Variants in NTRK2 observed in about 807,000 individuals in gnomAD.
NTRK2 encodes the protein neurotrophic receptor tyrosine kinase 2.
Under a neutral mutation model 94.5 loss-of-function variants are expected in NTRK2, and 13 were observed. That is an observed-to-expected ratio of 0.14 (90% CI 0.09 to 0.22). The LOEUF (loss-of-function observed/expected upper bound fraction) is 0.22, where lower values mean the gene tolerates loss of function less well. NTRK2 is among the 10% of genes least tolerant of loss of function. NTRK2 has a pLI of 1.00. For missense variants in NTRK2, 639 were observed against 1,071.2 expected (o/e 0.60, Z 5.63); for synonymous variants, 372 against 407.4 (o/e 0.91, Z 1.05).
chr9:84,765,729 G>A (rs570217779), intron 12 of NTRK2, among the ~76,000 whole-genome samples: 189 of 152,210 alleles, frequency 1.2e-3, no homozygotes, highest in Non-Finnish European at 2.4e-3. Flanking sequence ...TCTCAAAGCT[G>A]GGGACACTTA....
rs553775421 is a variant in NTRK2, at chr9:84,959,042, G to A, written c.2172+3525G>A. Among the ~76,000 whole-genome samples the A allele has an allele frequency of 1.1e-4, 17 of 152,176 alleles. 1 individual carries two copies. Among genetic ancestry groups the A allele is most frequent in the East Asian group, 9.7e-4 (5 of 5,176 alleles). ...TTAACCTTGAACCCATCCCCTTCAC[G>A]GTGTCTCTTCAACTTCTCTATCACC... On this transcript the variant is annotated intron_variant, in intron 17 of 18. Transcript: ENST00000277120.
intron 12 of NTRK2, among the ~76,000 whole-genome samples, chr9:84,772,000 G>C (rs2066595617): frequency 6.6e-6 from 1 of 152,150 alleles, no homozygotes; most frequent in Non-Finnish European, 1.5e-5. Flanking sequence ...AGGGGCTGAG[G>C]TTTTACTCCA....
At chr9:84,729,521 T>C (rs1436351553) in intron 9 of NTRK2, among the ~76,000 whole-genome samples, 1 of 152,226 alleles carries the variant, frequency 6.6e-6, no homozygotes, top group Non-Finnish European at 1.5e-5. Context: ...GCTTTTTGCT[T>C]GTTCTTACAT....
chr9:84,726,354 G>A lies in NTRK2; in HGVS notation c.854-1300G>A, dbSNP rs916284736. ...ATACTAATATTAGCCGGTCACGATGGCAGGCGCCTGTAATCCAAGCTACTC... is the reference window on the plus strand; with the variant it reads ...ATACTAATATTAGCCGGTCACGATGACAGGCGCCTGTAATCCAAGCTACTC... On this transcript the variant is annotated intron_variant, in intron 8 of 18. Transcript: ENST00000277120. Among the ~76,000 whole-genome samples the A allele has an allele frequency of 4.6e-5, 7 of 152,292 alleles. No individual in the cohort carries two copies. In the South Asian group the frequency reaches 6.2e-4, roughly 14 times the overall value.
At chr9:84,961,034 TAGGAATATAGGACCATCCCTATCTC>T (rs1480878734) in intron 17 of NTRK2, among the ~76,000 whole-genome samples, 1 of 152,168 alleles carries the variant, frequency 6.6e-6, no homozygotes, top group African/African-American at 2.4e-5. Flanking sequence ...GAAGTAAAGC[TAGGAATATAGGACCATCCCTATCTC>T]AGACAACATT....
intron 14 of NTRK2, among the ~76,000 whole-genome samples, chr9:84,904,959 A>C (rs1466239972): frequency 6.6e-6 from 1 of 152,348 alleles, no homozygotes; most frequent in East Asian, 1.9e-4. Flanking sequence ...AAGATCATTA[A>C]AGATTTTTTT....
At chr9:84,843,380 G>T (rs936519538) in intron 12 of NTRK2, among the ~76,000 whole-genome samples, 2 of 152,176 alleles carry the variant, frequency 1.3e-5, no homozygotes, top group Non-Finnish European at 2.9e-5. Flanking sequence ...CCCCTGAGCT[G>T]CAGGCCTTTC....
intron 12 of NTRK2, among the ~76,000 whole-genome samples, chr9:84,854,056 A>AGT (rs1340476780): frequency 6.7e-6 from 1 of 150,062 alleles, no homozygotes; most frequent in Non-Finnish European, 1.5e-5. Context: ...TGGGCAACAG[A>AGT]GTGAGACTCT....
chr9:84,938,116 A>C (rs549115367), intron 15 of NTRK2, among the ~76,000 whole-genome samples: 1 of 152,334 alleles, frequency 6.6e-6, no homozygotes, highest in Non-Finnish European at 1.5e-5. Context: ...AGTGAATCAG[A>C]GGTGTTGTAC....
intron 17 of NTRK2, among the ~76,000 whole-genome samples, chr9:84,967,670 G>A (rs1825714188): frequency 6.6e-6 from 1 of 152,222 alleles, no homozygotes; most frequent in Non-Finnish European, 1.5e-5. Context: ...CACGCCCTCA[G>A]CCCTGGAGAT....
intron 6 of NTRK2, among the ~76,000 whole-genome samples, chr9:84,714,896 C>T (rs765816837): frequency 6.6e-6 from 1 of 152,118 alleles, no homozygotes; most frequent in Admixed American, 6.6e-5. Context: ...TCTTTGTAAA[C>T]CAACAATTTG....
At chr9:85,014,956 T>C (rs1417825189) in intron 17 of NTRK2, among the ~76,000 whole-genome samples, 1 of 152,228 alleles carries the variant, frequency 6.6e-6, no homozygotes, top group African/African-American at 2.4e-5. Flanking sequence ...CAGCTTGATT[T>C]ATTTTAGGCA....
At chr9:84,832,692 C>G (rs1296188738) in intron 12 of NTRK2, among the ~76,000 whole-genome samples, 1 of 152,160 alleles carries the variant, frequency 6.6e-6, no homozygotes, top group Non-Finnish European at 1.5e-5. Context: ...ACCCCTTGAA[C>G]CAGCTGCGAA....
At chr9:84,872,058 C>T (rs2075885276) in intron 14 of NTRK2, 2 of 1,388,384 alleles carry the variant, frequency 1.4e-6, no homozygotes, top group Non-Finnish European at 1.9e-6. Context: ...GACCCATCTC[C>T]TCGATCAATC....
chr9:84,998,012 C>T (rs1174456349), intron 17 of NTRK2, among the ~76,000 whole-genome samples: 3 of 152,200 alleles, frequency 2.0e-5, no homozygotes, highest in Non-Finnish European at 2.9e-5. Flanking sequence ...GCCTTACATA[C>T]CTCTCACCTC....
At chr9:84,870,331 G>GTGTGTATATATATATATATATA (rs1349303529) in intron 14 of NTRK2, among the ~76,000 whole-genome samples, 12 of 31,182 alleles carry the variant, frequency 3.8e-4, no homozygotes, top group Non-Finnish European at 6.1e-4. Flanking sequence ...GTGTGTGTGT[G>GTGTGTATATATATATATATATA]TATATATATA....
At chr9:84,762,849 A>G (rs995069125) in intron 12 of NTRK2, among the ~76,000 whole-genome samples, 2 of 151,978 alleles carry the variant, frequency 1.3e-5, no homozygotes, top group African/African-American at 4.8e-5. Context: ...CCTCTCCCTT[A>G]CTCAGGTTGC....
chr9:84,944,371 T>A (rs1210531119), intron 15 of NTRK2, among the ~76,000 whole-genome samples: 1 of 151,912 alleles, frequency 6.6e-6, no homozygotes, highest in Admixed American at 6.6e-5. Context: ...CACGCCATTC[T>A]CCTGCCTCAG....
At chr9:84,822,647 C>A (rs535544518) in intron 12 of NTRK2, among the ~76,000 whole-genome samples, 1 of 152,134 alleles carries the variant, frequency 6.6e-6, no homozygotes, top group African/African-American at 2.4e-5. Flanking sequence ...CAAGCACCCT[C>A]GACTGCCGTT....
Sources: allele counts gnomAD v4.1 joint callset (sites outside exome capture counted in the v4.1 genomes callset), GRCh38; gene constraint gnomAD v4.1.1; transcripts MANE v1.5; gene names NCBI Gene and HGNC (gene_info 2026-07-23, HGNC 2026-07-21).